The following PALM2AKAP2 variants were observed in gnomAD, a reference collection of about 807,000 sequenced individuals.
The protein encoded by PALM2AKAP2 is PALM2-AKAP2 fusion protein.
In PALM2AKAP2, 37 loss-of-function variants were observed where a neutral mutation model predicts 71.5. The ratio of observed to expected loss-of-function variants is 0.52; its 90% CI spans 0.40 to 0.68. The LOEUF (loss-of-function observed/expected upper bound fraction) is 0.68. PALM2AKAP2 is among the 30% of genes least tolerant of loss of function. PALM2AKAP2 has a pLI of 0.00. For synonymous variants in PALM2AKAP2, 468 were observed against 478.8 expected, an observed-to-expected ratio of 0.98 and a Z score of 0.29; for missense variants, 1,224 against 1,191.8, an observed-to-expected ratio of 1.03 and a Z score of -0.40.
intron 1 of PALM2AKAP2, among the ~76,000 whole-genome samples, chr9:110,060,724 C>T (rs1429370401): frequency 1.3e-5 from 2 of 152,158 alleles, no homozygotes; most frequent in East Asian, 3.9e-4. Context: ...GCCTCAGCCT[C>T]CCGAGTAGCT....
At chr9:109,739,146 T>A (rs895471080) in intron 1 of PALM2AKAP2, among the ~76,000 whole-genome samples, 1 of 152,244 alleles carries the variant, frequency 6.6e-6, no homozygotes, top group Admixed American at 6.5e-5. Flanking sequence ...GATGAAAATC[T>A]ACTTTGAAAA....
At chr9:109,727,692 C>G (rs972346951) in intron 1 of PALM2AKAP2, among the ~76,000 whole-genome samples, 2 of 152,184 alleles carry the variant, frequency 1.3e-5, no homozygotes, top group African/African-American at 4.8e-5. Context: ...ACTACAACCT[C>G]TTTCTCTCAA....
At chr9:109,796,277 T>C (rs941490961) in intron 1 of PALM2AKAP2, among the ~76,000 whole-genome samples, 2 of 152,352 alleles carry the variant, frequency 1.3e-5, no homozygotes, top group Admixed American at 6.5e-5. Flanking sequence ...CTTTGATTGA[T>C]TGATGTACAG....
intron 1 of PALM2AKAP2, among the ~76,000 whole-genome samples, chr9:110,077,840 G>A (rs570544619): frequency 2.0e-5 from 3 of 151,996 alleles, no homozygotes; most frequent in African/African-American, 4.8e-5. Context: ...ATGGTGAAAC[G>A]CTGTCTCTAC....
intron 1 of PALM2AKAP2, among the ~76,000 whole-genome samples, chr9:109,818,112 T>C (rs1827898130): frequency 6.6e-6 from 1 of 152,196 alleles, no homozygotes; most frequent in African/African-American, 2.4e-5. Context: ...CACATATTTT[T>C]GGAATGAGGC....
At chr9:109,809,330 C>T (rs774570437) in intron 1 of PALM2AKAP2, among the ~76,000 whole-genome samples, 3 of 152,312 alleles carry the variant, frequency 2.0e-5, no homozygotes, top group East Asian at 3.9e-4. Flanking sequence ...GGGAACCCAC[C>T]TCTTGCATCA....
chr9:109,794,518 C>G (rs952220983), intron 1 of PALM2AKAP2, among the ~76,000 whole-genome samples: 2 of 151,628 alleles, frequency 1.3e-5, no homozygotes, highest in Non-Finnish European at 2.9e-5. Context: ...CAGCCACATT[C>G]CCTGAGTCCA....
upstream of PALM2AKAP2, among the ~76,000 whole-genome samples, chr9:109,778,526 A>G (rs745595384): frequency 1.3e-4 from 20 of 152,210 alleles, no homozygotes; most frequent in Non-Finnish European, 2.4e-4. Flanking sequence ...GATATATTGG[A>G]GTGGGATGTA....
At chr9:110,122,826 C>T (rs1247345589) in intron 1 of PALM2AKAP2, among the ~76,000 whole-genome samples, 2 of 152,120 alleles carry the variant, frequency 1.3e-5, no homozygotes, top group African/African-American at 4.8e-5. Context: ...AGAAAACCCA[C>T]CCCAAGCTCA....
At chr9:109,913,706 C>T (rs959802136) in intron 3 of PALM2AKAP2, among the ~76,000 whole-genome samples, 1 of 151,390 alleles carries the variant, frequency 6.6e-6, no homozygotes, top group Non-Finnish European at 1.5e-5. Flanking sequence ...CATGTGGATG[C>T]AAGGAACAGA....
chr9:109,885,636 C>A (rs927050640), intron 3 of PALM2AKAP2, among the ~76,000 whole-genome samples: 1 of 152,222 alleles, frequency 6.6e-6, no homozygotes, highest in Non-Finnish European at 1.5e-5. Flanking sequence ...AAAGGACAAC[C>A]CAACCCTTGA....
chr9:109,823,580 A>C (rs1209855005), intron 1 of PALM2AKAP2, among the ~76,000 whole-genome samples: 1 of 152,132 alleles, frequency 6.6e-6, no homozygotes. Context: ...GAGACCACAG[A>C]GTGGCAATTT....
At chr9:109,944,578 TA>T (rs1047986715) in intron 6 of PALM2AKAP2, 1 of 152,168 alleles carries the variant, frequency 6.6e-6, no homozygotes, top group Non-Finnish European at 1.5e-5. Flanking sequence ...AAAAAAACTT[TA>T]AAAAACTTTT....
intron 1 of PALM2AKAP2, chr9:110,048,954 G>T (rs1379231283): frequency 7.3e-7 from 1 of 1,372,536 alleles, no homozygotes; most frequent in Non-Finnish European, 9.5e-7. Flanking sequence ...TGGAAATCTG[G>T]GAGTCCTCGG....
chr9:110,117,159 GC>G (rs1450638877), intron 1 of PALM2AKAP2, among the ~76,000 whole-genome samples: 1 of 152,014 alleles, frequency 6.6e-6, no homozygotes. Flanking sequence ...TCATTCTGTT[GC>G]CCAGACTGGA....
chr9:110,032,435 G>C (rs1380792779), intron 7 of PALM2AKAP2, among the ~76,000 whole-genome samples: 1 of 152,092 alleles, frequency 6.6e-6, no homozygotes, highest in Non-Finnish European at 1.5e-5. Context: ...GCTTACGCCT[G>C]TAATCCCAGC....
At chr9:109,834,383 T>G (rs1423224639) in intron 1 of PALM2AKAP2, among the ~76,000 whole-genome samples, 1 of 152,238 alleles carries the variant, frequency 6.6e-6, no homozygotes, top group African/African-American at 2.4e-5. Flanking sequence ...CCCTTACTTT[T>G]TTTCTATAAA....
intron 1 of PALM2AKAP2, among the ~76,000 whole-genome samples, chr9:110,102,047 C>T (rs913409223): frequency 3.9e-5 from 6 of 152,290 alleles, no homozygotes; most frequent in South Asian, 2.1e-4. Flanking sequence ...GTCTCATTTT[C>T]GGATAAGGAA....
chr9:109,929,424 C>T (rs572471410), intron 5 of PALM2AKAP2, among the ~76,000 whole-genome samples: 4 of 152,200 alleles, frequency 2.6e-5, no homozygotes, highest in African/African-American at 9.6e-5. Context: ...ACTCTTCCCA[C>T]GGACAATTGT....
Sources: allele counts gnomAD v4.1 joint callset (sites outside exome capture counted in the v4.1 genomes callset), GRCh38; gene constraint gnomAD v4.1.1; transcripts MANE v1.5; gene names NCBI Gene and HGNC (gene_info 2026-07-23, HGNC 2026-07-21).